CEP162: variants seen among roughly 807,000 people sequenced by gnomAD.
The protein encoded by CEP162 is centrosomal protein 162, also known as centrosomal protein of 162 kDa.
CEP162 carries 141 observed loss-of-function variants against 169.2 expected under a neutral mutation model. The observed-to-expected ratio is 0.83, with a 90% CI of 0.73 to 0.96. CEP162 has a LOEUF of 0.96. Ranked by LOEUF, CEP162 falls within the 40% of genes least tolerant of loss-of-function variation. The probability of loss-of-function intolerance (pLI) is 0.00; values close to 1 mark genes in which losing one functional copy is unlikely to be tolerated. For synonymous variants in CEP162, 540 were observed against 526.4 expected (o/e 1.03, Z -0.35); for missense variants, 1,600 against 1,587.2 (o/e 1.01, Z -0.14).
intron 25 of CEP162, among the ~76,000 whole-genome samples, chr6:84,144,538 T>A (rs892289421): frequency 6.6e-6 from 1 of 152,112 alleles, no homozygotes; most frequent in Admixed American, 6.6e-5. Flanking sequence ...TAAGCAACTA[T>A]AAATACAAAG....
At chr6:84,157,212 A>G (rs2099523561) in intron 21 of CEP162, among the ~76,000 whole-genome samples, 2 of 152,224 alleles carry the variant, frequency 1.3e-5, no homozygotes, top group Admixed American at 1.3e-4. Context: ...ACACTTGTCA[A>G]TATTTCGGAG....
chr6:84,217,320 T>C (rs1370288066), intron 3 of CEP162, among the ~76,000 whole-genome samples: 1 of 152,172 alleles, frequency 6.6e-6, no homozygotes, highest in East Asian at 1.9e-4. Flanking sequence ...GAACAGAGAA[T>C]GCAGGAATGG....
chr6:84,166,063 G>A (rs1054350417), intron 18 of CEP162, among the ~76,000 whole-genome samples: 1 of 152,128 alleles, frequency 6.6e-6, no homozygotes, highest in African/African-American at 2.4e-5. Flanking sequence ...GTTTAATCAT[G>A]CCATCAATCA....
At position 84,186,572 on chromosome 6, in the gene CEP162, G is replaced by C. The variant is rs2099537249; in HGVS notation, c.1161C>G (p.Pro387=). The change falls in exon 12 of 27, where the codon CCC becomes CCG. Residue 387 remains proline (P), a synonymous_variant. Transcript: ENST00000403245. ...RKETEFFSSL[P]LKMNPNILSQ... is the part of the protein sequence containing the mutation. Reference sequence around the variant, plus strand: ...ACAAAATATTTGGGTTCATCTTCAGGGGTAAAGAGCTAAAAAATTCAGTTT... The same window carrying C: ...ACAAAATATTTGGGTTCATCTTCAGCGGTAAAGAGCTAAAAAATTCAGTTT... 1.2e-6 allele frequency: 2 copies of C among 1,610,028 alleles called. No homozygotes were observed. The highest frequency in any genetic ancestry group is 1.7e-6 in the Non-Finnish European group (2 of 1,178,276).
chr6:84,196,538 C>G (rs977645826), intron 9 of CEP162, among the ~76,000 whole-genome samples: 11 of 152,024 alleles, frequency 7.2e-5, no homozygotes, highest in Non-Finnish European at 1.6e-4. Context: ...TGAGTACTTT[C>G]TTGCTTATTT....
chr6:84,213,891 C>A (rs1416375473), intron 5 of CEP162, among the ~76,000 whole-genome samples: 1 of 152,164 alleles, frequency 6.6e-6, no homozygotes, highest in African/African-American at 2.4e-5. Context: ...GCTGAATATG[C>A]CAAGAGTACA....
chr6:84,201,993 T>C (rs2099544711), intron 7 of CEP162, among the ~76,000 whole-genome samples: 1 of 152,210 alleles, frequency 6.6e-6, no homozygotes, highest in Non-Finnish European at 1.5e-5. Context: ...AACTTGGCAA[T>C]TACCAAAATT....
intron 5 of CEP162, 103 bp downstream of exon 5, chr6:84,215,177 TAA>T (rs2099551050): frequency 5.4e-6 from 3 of 557,080 alleles, no homozygotes; most frequent in Non-Finnish European, 8.7e-6. Context: ...AAATAAGATT[TAA>T]GTTTGCCTGT....
At chr6:84,173,022 C>A (rs1007141135) in intron 16 of CEP162, among the ~76,000 whole-genome samples, 1 of 152,034 alleles carries the variant, frequency 6.6e-6, no homozygotes, top group Non-Finnish European at 1.5e-5. Flanking sequence ...GATTTTCTTG[C>A]ATTAAATTCA....
At chr6:84,197,125 G>A (rs972528731) in intron 9 of CEP162, among the ~76,000 whole-genome samples, 1 of 152,012 alleles carries the variant, frequency 6.6e-6, no homozygotes, top group Non-Finnish European at 1.5e-5. Context: ...GACCATAGTA[G>A]TATCAAATGC....
chr6:84,140,397 C>A (rs1180338873), intron 25 of CEP162, among the ~76,000 whole-genome samples: 1 of 152,104 alleles, frequency 6.6e-6, no homozygotes, highest in East Asian at 1.9e-4. Context: ...GTCTGCAGAG[C>A]AATGAAGGTC....
chr6:84,161,768 T>C lies in CEP162; in HGVS notation c.2654A>G (p.Glu885Gly), dbSNP rs754063920. 6.9e-6 allele frequency: 11 copies of C among 1,595,118 alleles called. No homozygotes were observed. The highest frequency in any genetic ancestry group is 8.5e-6 in the Non-Finnish European group (10 of 1,170,448). The change falls in exon 20 of 27, where the codon GAA (glutamate) becomes GGA (glycine). Residue 885 changes from glutamate (E) to glycine (G), a missense_variant. Transcript: ENST00000403245. ...DALRLREANE[E>G]IEKLKLEIEK... is the part of the protein sequence containing the mutation. ...TACCTCAAGTTTGAGCTTCTCAATT[T>C]CCTCATTTGCTTCTCTAAGCCGAAG...
Position 84,125,145 on chromosome 6 carries a change from A to G in CEP162, c.4137T>C (p.Val1379=), listed in dbSNP as rs779858118. 6.2e-7 allele frequency: 1 copy of G among 1,613,556 alleles called. No individual in the cohort carries two copies. The highest frequency in any genetic ancestry group is 1.7e-5 in the Admixed American group (1 of 59,916). ...CTCCTTGCCGGTGCAGCTCTCGGAG[A>G]ACATCTAATATTGAGTCTAGTTCTG... ...FRTELDSILD[V]LRELHRQGVV... Residue 1379 remains valine, a synonymous_variant, in exon 27 of 27, where the codon GTT becomes GTC. Coordinates refer to ENST00000403245, the MANE Select transcript of CEP162 (RefSeq NM_014895.4).
intron 25 of CEP162, among the ~76,000 whole-genome samples, chr6:84,138,370 G>A (rs1260372661): frequency 1.3e-5 from 2 of 152,152 alleles, no homozygotes; most frequent in Non-Finnish European, 2.9e-5. Flanking sequence ...GAAGCCAGTG[G>A]AAATAGCCTG....
At chr6:84,128,365 C>T (rs1322271432) in intron 25 of CEP162, among the ~76,000 whole-genome samples, 2 of 148,406 alleles carry the variant, frequency 1.3e-5, no homozygotes, top group Non-Finnish European at 2.9e-5. Flanking sequence ...ACTTAATAAG[C>T]AAACATGTAT....
At chr6:84,204,212 A>G (rs568906735) in intron 6 of CEP162, 116 bp from the exon 7 acceptor site, 1 of 579,022 alleles carries the variant, frequency 1.7e-6, no homozygotes, top group Non-Finnish European at 3.0e-6. Flanking sequence ...TTATTGAAAT[A>G]GTAACATAAA....
intron 9 of CEP162, among the ~76,000 whole-genome samples, chr6:84,196,278 T>G (rs1202425048): frequency 6.6e-6 from 1 of 152,174 alleles, no homozygotes; most frequent in African/African-American, 2.4e-5. Flanking sequence ...CTGCACAAGC[T>G]CTCTTTGCCT....
At chr6:84,142,046 C>T (rs1433025312) in intron 25 of CEP162, among the ~76,000 whole-genome samples, 1 of 152,066 alleles carries the variant, frequency 6.6e-6, no homozygotes, top group Non-Finnish European at 1.5e-5. Flanking sequence ...AAAACAACCC[C>T]CACATACATT....
intron 11 of CEP162, among the ~76,000 whole-genome samples, chr6:84,187,620 G>C (rs2127715347): frequency 6.6e-6 from 1 of 152,252 alleles, no homozygotes; most frequent in South Asian, 2.1e-4. Context: ...GTGCTATGAT[G>C]CTAAGAACCC....
Sources: allele counts gnomAD v4.1 joint callset (sites outside exome capture counted in the v4.1 genomes callset), GRCh38; gene constraint gnomAD v4.1.1; transcripts MANE v1.5; gene names NCBI Gene and HGNC (gene_info 2026-07-23, HGNC 2026-07-21).